MTG1: variants seen among roughly 807,000 people sequenced by gnomAD.
MTG1 encodes mitochondrial ribosome associated GTPase 1, also known as mitochondrial ribosome-associated GTPase 1.
In MTG1, 30 loss-of-function variants were observed where a neutral mutation model predicts 39.5. The ratio of observed to expected loss-of-function variants is 0.76; its 90% confidence interval spans 0.57 to 1.03. MTG1 has a LOEUF of 1.03. Ranked by LOEUF, MTG1 falls within the 50% of genes least tolerant of loss-of-function variation. The pLI is 0.00. For synonymous variants in MTG1, 217 were observed against 179.0 expected, an observed-to-expected ratio of 1.21 and a Z score of -1.69; for missense variants, 513 against 447.4, an observed-to-expected ratio of 1.15 and a Z score of -1.32.
Position 133,402,644 on chromosome 10 carries a change from C to G in MTG1, c.671-48C>G, listed in dbSNP as rs1337409687. ...GGGATGTGTTTGAACTTGGCAGGAA[C>G]ATAGATGTGGCTGTTTCCAGTGCTC... On this transcript the variant is annotated intron_variant, in intron 8 of 10. Coordinates refer to ENST00000317502, the MANE Select transcript of MTG1 (RefSeq NM_138384.4). This position sits in a 1 kb window ranked among gnomAD's most constrained non-coding sequence, Gnocchi z 4.7. 6.6e-7 allele frequency: 1 copy of G among 1,517,300 alleles called. No homozygotes were observed. Among genetic ancestry groups the G allele is most frequent in the East Asian group, 2.4e-5 (1 of 42,384 alleles). The allele number at this position is 1,517,300 out of a possible 1,614,324, so 94.0% of individuals were successfully genotyped here. A position where few individuals can be genotyped will look rare whatever the true frequency, so the allele number is the denominator to read the frequency against.
rs77097008 is a variant in MTG1, at chr10:133,420,089, G to A, written c.929G>A (p.Arg310His). Residue 310 changes from arginine (R) to histidine (H), a missense_variant, in exon 11 of 11, where the codon CGC becomes CAC. Coordinates refer to ENST00000317502, the MANE Select transcript of MTG1 (RefSeq NM_138384.4). ...AAARDFLQTF[R>H]RGLLGSVMLD... ...GCCCGTGACTTCCTGCAGACTTTCCGCCGTGGGCTGCTGGGTTCCGTGATG... is the reference window on the plus strand; with the variant it reads ...GCCCGTGACTTCCTGCAGACTTTCCACCGTGGGCTGCTGGGTTCCGTGATG... The A allele has an allele frequency of 1.9e-5, 30 of 1,613,456 alleles. No homozygotes were observed. The highest frequency in any genetic ancestry group is 1.7e-4 in the Middle Eastern group (1 of 6,056).
intron 3 of MTG1, among the ~76,000 whole-genome samples, chr10:133,396,588 C>T (rs906902393): frequency 2.8e-4 from 42 of 152,008 alleles, no homozygotes; most frequent in East Asian, 9.6e-4. Flanking sequence ...GGCAAGAGAC[C>T]GAGGACACGA....
intron 9 of MTG1, among the ~76,000 whole-genome samples, chr10:133,409,348 T>C (rs1328694343): frequency 6.6e-6 from 1 of 152,254 alleles, no homozygotes; most frequent in Non-Finnish European, 1.5e-5. Flanking sequence ...GTGTAGTTTT[T>C]GAGGTTCCTC....
chr10:133,419,329 CATCTT>C, intron 9 of MTG1, 146 bp from the exon 10 acceptor site: 1 of 602,088 alleles, frequency 1.7e-6, no homozygotes. Context: ...CCTGCAGTCT[CATCTT>C]GGTCATCCAC....
intron 9 of MTG1, among the ~76,000 whole-genome samples, chr10:133,416,395 TTTTTA>T (rs1367038485): frequency 7.3e-5 from 11 of 150,494 alleles, no homozygotes; most frequent in South Asian, 4.1e-4. Context: ...TATATTTTTC[TTTTTA>T]TTTTATTTTA....
chr10:133,399,567 C>A lies in MTG1; in HGVS notation c.459C>A (p.Asn153Lys). The A allele has an allele frequency of 1.2e-6, 2 of 1,614,198 alleles. No homozygotes were observed. The highest frequency in any genetic ancestry group is 1.7e-6 in the Non-Finnish European group (2 of 1,180,026). The change falls in exon 6 of 11, where the codon AAC becomes AAA. Residue 153 changes from asparagine to lysine, a missense_variant. Physicochemically the swap from Asn to Lys is moderately conservative, Grantham distance 94 (BLOSUM62 0). Coordinates refer to ENST00000317502, the MANE Select transcript of MTG1 (RefSeq NM_138384.4). The stretch of plus-strand genomic sequence containing the variant: ...GTATCATGGTCATTGGGGTCCCCAA[C>A]GTGGGCAAGTCCTCCCTCATCAACT... ...EYCIMVIGVP[N>K]VGKSSLINSL...
rs1185763029 is a variant in MTG1 at position 133,420,394 on chromosome 10, A to G, written c.*229A>G. On this transcript the variant is annotated 3_prime_UTR_variant, in exon 11 of 11. Coordinates refer to ENST00000317502, the MANE Select transcript of MTG1 (RefSeq NM_138384.4). ...AGTGGACGTCCCTGAGCAGCTCCGCATGCTTGGTTCTCCCGGAGCTTCCTG... is the reference window on the plus strand; with the variant it reads ...AGTGGACGTCCCTGAGCAGCTCCGCGTGCTTGGTTCTCCCGGAGCTTCCTG... The G allele has an allele frequency of 2.2e-6, 1 of 452,762 alleles. No individual in the cohort carries two copies. Among genetic ancestry groups the G allele is most frequent in the African/African-American group, 2.0e-5 (1 of 49,936 alleles). The allele number at this position is 452,762 out of a possible 1,614,324, so 28.0% of individuals were successfully genotyped here.
chr10:133,400,247 C>T (rs1022833275), intron 6 of MTG1, among the ~76,000 whole-genome samples: 8 of 152,164 alleles, frequency 5.3e-5, no homozygotes, highest in South Asian at 2.1e-4. Flanking sequence ...GAATACAAAG[C>T]GTGTGAAGTA....
At position 133,420,707 on chromosome 10, in the gene MTG1, GAC is replaced by G. The variant is rs1850218046; in HGVS notation, c.*546_*547del. 1 of 152,824 alleles carries G rather than the reference GAC, an allele frequency of 6.5e-6. No homozygotes were observed. The highest frequency in any genetic ancestry group is 1.5e-5 in the Non-Finnish European group (1 of 68,510). 9.5% of individuals were successfully genotyped at this position (152,824 alleles called of 1,614,324 possible). A position where few individuals can be genotyped will look rare whatever the true frequency, so the allele number is the denominator to read the frequency against. ...TATTTCACACTTACAGGCACACACAGACACAGACCAGAGACTCCCAGCAGCAG... is the reference window on the plus strand; with the variant it reads ...TATTTCACACTTACAGGCACACACAGACAGACCAGAGACTCCCAGCAGCAG... On this transcript the variant is annotated 3_prime_UTR_variant, in exon 11 of 11. Transcript: ENST00000317502.
intron 1 of MTG1, chr10:133,394,832 C>T (rs1442775896): frequency 6.5e-6 from 5 of 770,244 alleles, no homozygotes; most frequent in East Asian, 1.3e-4. Flanking sequence ...CCCAAGAAGA[C>T]CTCTGGGGCC....
Position 133,398,426 on chromosome 10 carries a change from G to A in MTG1, c.283-9G>A. 6.2e-7 allele frequency: 1 copy of A among 1,611,368 alleles called. No individual in the cohort carries two copies. The highest frequency in any genetic ancestry group is 1.7e-4 in the Middle Eastern group (1 of 6,040). On this transcript the variant is annotated splice_polypyrimidine_tract_variant and intron_variant, in intron 3 of 10. Transcript: ENST00000317502. ...AAAAAGTAACATAGAAATGTTTTGTGTCTTTCAGAAAATTATGCAACACTT... is the reference window on the plus strand; with the variant it reads ...AAAAAGTAACATAGAAATGTTTTGTATCTTTCAGAAAATTATGCAACACTT...
In MTG1 at chr10:133,420,270, T is replaced by A; in HGVS notation, c.*105T>A. On this transcript the variant is annotated 3_prime_UTR_variant, in exon 11 of 11. Transcript: ENST00000317502. The stretch of plus-strand genomic sequence containing the variant: ...ACCCGGTCCAGAAGCTCCATGCTGG[T>A]CACTAGGGTGCTGTGCTCTCTGGCG... 1 of 1,374,108 alleles carries A rather than the reference T, an allele frequency of 7.3e-7. No homozygotes were observed. The highest frequency in any genetic ancestry group is 9.7e-7 in the Non-Finnish European group (1 of 1,031,026). 85.1% of individuals were successfully genotyped at this position (1,374,108 alleles called of 1,614,324 possible). A position where few individuals can be genotyped will look rare whatever the true frequency, so the allele number is the denominator to read the frequency against.
At chr10:133,400,927 C>A (rs1849865387) in intron 6 of MTG1, among the ~76,000 whole-genome samples, 1 of 152,230 alleles carries the variant, frequency 6.6e-6, no homozygotes, top group South Asian at 2.1e-4. Flanking sequence ...GAATTTTATT[C>A]CTTTTTAAGG....
chr10:133,401,725 C>A, intron 7 of MTG1, 135 bp downstream of exon 7: 1 of 841,182 alleles, frequency 1.2e-6, no homozygotes, highest in Non-Finnish European at 2.0e-6. Context: ...CTGAGCACCC[C>A]CGGGGCAGGC....
intron 9 of MTG1, among the ~76,000 whole-genome samples, chr10:133,411,070 C>G (rs1850039070): frequency 6.6e-6 from 1 of 152,156 alleles, no homozygotes; most frequent in South Asian, 2.1e-4. Context: ...TTTTATACTT[C>G]ACATGTTTTC....
intron 9 of MTG1, among the ~76,000 whole-genome samples, chr10:133,415,984 G>A (rs1364946737): frequency 7.5e-5 from 5 of 66,356 alleles, no homozygotes; most frequent in South Asian, 9.0e-4. Flanking sequence ...GGCGGGTGTC[G>A]GCACGCGGGT....
chr10:133,394,545 C>T (rs1849752185), intron 1 of MTG1: 3 of 1,334,900 alleles, frequency 2.2e-6, no homozygotes, highest in Non-Finnish European at 2.9e-6. Context: ...CCCGTTCCCG[C>T]GAGTGCCCCC....
At chr10:133,414,574 C>T (rs1159319173) in intron 9 of MTG1, among the ~76,000 whole-genome samples, 6 of 151,362 alleles carry the variant, frequency 4.0e-5, no homozygotes, top group African/African-American at 7.3e-5. Flanking sequence ...CGATGGGCGG[C>T]GGGGCAGAGA....
intron 9 of MTG1, among the ~76,000 whole-genome samples, chr10:133,416,311 G>T (rs1460901190): frequency 6.6e-6 from 1 of 151,688 alleles, no homozygotes; most frequent in Admixed American, 6.6e-5. Context: ...TGAGTTGACT[G>T]ATTTTTCTTC....
Sources: gnomAD v4.1 joint callset for allele counts (sites outside exome capture counted in the v4.1 genomes callset) on GRCh38, gnomAD v4.1.1 for gene constraint, Gnocchi (gnomAD v3.1) non-coding constraint, MANE v1.5 for transcripts, NCBI Gene and HGNC (gene_info 2026-07-23, HGNC 2026-07-21) for gene names.